The following GRID2 variants were observed in gnomAD, a reference collection of about 807,000 sequenced individuals.
GRID2 encodes the protein glutamate ionotropic receptor delta type subunit 2.
In GRID2, 33 loss-of-function variants were observed where a neutral mutation model predicts 114.8. The observed-to-expected ratio is 0.29, with a 90% CI of 0.22 to 0.38. The LOEUF is 0.38. GRID2 is among the 10% of genes least tolerant of loss of function. The probability of loss-of-function intolerance (pLI) is 1.00; values close to 1 mark genes in which losing one functional copy is unlikely to be tolerated. For missense variants in GRID2, 1,184 were observed against 1,257.7 expected (o/e 0.94, Z 0.89); for synonymous variants, 505 against 449.9 (o/e 1.12, Z -1.55).
At chr4:93,673,766 G>A (rs1015341011) in intron 14 of GRID2, among the ~76,000 whole-genome samples, 3 of 152,152 alleles carry the variant, frequency 2.0e-5, no homozygotes, top group Non-Finnish European at 2.9e-5. Flanking sequence ...CCCAGGGGTT[G>A]TAAACTCAAA....
chr4:92,680,656 G>A (rs1382015570), intron 2 of GRID2, among the ~76,000 whole-genome samples: 1 of 152,102 alleles, frequency 6.6e-6, no homozygotes, highest in Non-Finnish European at 1.5e-5. Flanking sequence ...TGTTATTTTA[G>A]AACAATAATC....
In GRID2 at chr4:92,647,316, TG is replaced by T. The variant is rs1361863633; in HGVS notation, c.244+57031del. On this transcript the variant is annotated intron_variant, in intron 2 of 15. Coordinates refer to ENST00000282020, the MANE Select transcript of GRID2 (RefSeq NM_001510.4). ...ACTATTACTATTGTAAGATTTTTTT[TG>T]TAAGGGGACCTGAGATAATTTTGTT... 7.7e-5 allele frequency among the ~76,000 whole-genome samples: 4 copies of T among 52,104 alleles called. No homozygotes were observed. In the East Asian group the frequency reaches 1.9e-3, roughly 25 times the overall value. The allele number at this position is 52,104 out of a possible 152,430, so 34.2% of individuals were successfully genotyped here.
At chr4:92,389,336 A>G (rs1730135476) in intron 1 of GRID2, among the ~76,000 whole-genome samples, 1 of 152,006 alleles carries the variant, frequency 6.6e-6, no homozygotes, top group South Asian at 2.1e-4. Flanking sequence ...TTCAAAAACT[A>G]TTTTCCTTAA....
chr4:92,892,542 T>A (rs900750585), intron 2 of GRID2, among the ~76,000 whole-genome samples: 1 of 152,214 alleles, frequency 6.6e-6, no homozygotes, highest in Admixed American at 6.5e-5. Flanking sequence ...GAATAAAGAA[T>A]GTATTTTCTC....
chr4:93,744,207 G>T (rs963153336), intron 14 of GRID2, among the ~76,000 whole-genome samples: 1 of 152,126 alleles, frequency 6.6e-6, no homozygotes, highest in Non-Finnish European at 1.5e-5. Flanking sequence ...TGTTGTTTTC[G>T]TGCCTGCTAA....
chr4:92,460,450 A>G (rs1262736203), intron 1 of GRID2, among the ~76,000 whole-genome samples: 3 of 152,120 alleles, frequency 2.0e-5, no homozygotes, highest in Non-Finnish European at 2.9e-5. Flanking sequence ...ATATTTGAAT[A>G]AATGTTCCAC....
intron 2 of GRID2, among the ~76,000 whole-genome samples, chr4:92,659,816 T>C (rs1732434819): frequency 6.6e-6 from 1 of 151,396 alleles, no homozygotes; most frequent in Admixed American, 6.6e-5. Flanking sequence ...TCTGATACTG[T>C]TGAATTCTCA....
intron 7 of GRID2, among the ~76,000 whole-genome samples, chr4:93,232,389 A>T (rs1441772148): frequency 1.3e-5 from 2 of 151,822 alleles, no homozygotes; most frequent in Admixed American, 6.6e-5. Flanking sequence ...AAATTTTTGT[A>T]ATTATTTTTA....
intron 4 of GRID2, among the ~76,000 whole-genome samples, chr4:93,127,166 AT>A (rs1475327453): frequency 6.6e-6 from 1 of 152,104 alleles, no homozygotes; most frequent in Non-Finnish European, 1.5e-5. Flanking sequence ...TTTGCATTTT[AT>A]TTTTTGTTTG....
intron 2 of GRID2, among the ~76,000 whole-genome samples, chr4:93,019,688 C>A (rs1045831421): frequency 5.3e-5 from 8 of 152,110 alleles, no homozygotes; most frequent in Non-Finnish European, 1.0e-4. Flanking sequence ...ATTACATGCC[C>A]AAAGCCTTAG....
intron 8 of GRID2, among the ~76,000 whole-genome samples, chr4:93,386,338 T>C (rs774348443): frequency 6.6e-6 from 1 of 152,148 alleles, no homozygotes; most frequent in Admixed American, 6.6e-5. Context: ...ATCAGGATAA[T>C]TCTGACAGGA....
chr4:92,983,936 C>T lies in GRID2; in HGVS notation c.245-101059C>T, dbSNP rs6854223. On this transcript the variant is annotated intron_variant, in intron 2 of 15. Coordinates refer to ENST00000282020, the MANE Select transcript of GRID2 (RefSeq NM_001510.4). ...CTAAACTTGAAGAAAGAAGCAATAG[C>T]CTGTAATAGGACAGAGACTGGGATT... Among the ~76,000 whole-genome samples the T allele has an allele frequency of 6.0e-3, 919 of 152,226 alleles. 6 individuals carry two copies. The highest frequency in any genetic ancestry group is 0.021 in the African/African-American group (869 of 41,552).
chr4:93,593,679 C>T (rs1228361413), intron 13 of GRID2, among the ~76,000 whole-genome samples: 2 of 151,998 alleles, frequency 1.3e-5, no homozygotes, highest in African/African-American at 4.8e-5. Flanking sequence ...CTCCCCATCA[C>T]TTTCAGGTAC....
At chr4:92,908,686 T>C (rs560769540) in intron 2 of GRID2, among the ~76,000 whole-genome samples, 2 of 152,276 alleles carry the variant, frequency 1.3e-5, no homozygotes, top group Admixed American at 6.5e-5. Flanking sequence ...CAGCATGTTA[T>C]AGATGAATTC....
chr4:92,968,526 C>T (rs1313899578), intron 2 of GRID2, among the ~76,000 whole-genome samples: 5 of 151,820 alleles, frequency 3.3e-5, no homozygotes, highest in East Asian at 1.9e-4. Context: ...TTAAGAGGAT[C>T]ACAAAGTCTA....
chr4:93,282,007 T>C (rs1000417598), intron 8 of GRID2, among the ~76,000 whole-genome samples: 4 of 152,008 alleles, frequency 2.6e-5, no homozygotes, highest in African/African-American at 9.7e-5. Flanking sequence ...TAGAACAAAA[T>C]ATATTCTTGT....
At chr4:93,159,809 T>A (rs1374186610) in intron 4 of GRID2, among the ~76,000 whole-genome samples, 1 of 151,492 alleles carries the variant, frequency 6.6e-6, no homozygotes, top group Admixed American at 6.6e-5. Flanking sequence ...CAAATAAAAT[T>A]GAATTTTGAG....
At chr4:93,259,425 T>G (rs1020397517) in intron 8 of GRID2, among the ~76,000 whole-genome samples, 4 of 151,970 alleles carry the variant, frequency 2.6e-5, no homozygotes, top group African/African-American at 9.6e-5. Context: ...GTCTCGACTG[T>G]GTTCATTACC....
intron 4 of GRID2, among the ~76,000 whole-genome samples, chr4:93,195,471 G>A (rs1741394261): frequency 6.6e-6 from 1 of 152,072 alleles, no homozygotes; most frequent in Non-Finnish European, 1.5e-5. Context: ...TCCACTGTTT[G>A]AGAGTTGATC....
Sources: gnomAD v4.1 joint callset for allele counts (sites outside exome capture counted in the v4.1 genomes callset) on GRCh38, gnomAD v4.1.1 for gene constraint, MANE v1.5 for transcripts, NCBI Gene and HGNC (gene_info 2026-07-23, HGNC 2026-07-21) for gene names.